NBPF3: variants seen among roughly 807,000 people sequenced by gnomAD.
The protein encoded by NBPF3 is NBPF member 3.
NBPF3 carries 57 observed loss-of-function variants against 78.1 expected under a neutral mutation model. That is an observed-to-expected ratio of 0.73 (90% CI 0.59 to 0.91). The LOEUF (loss-of-function observed/expected upper bound fraction) is 0.91, where lower values mean the gene tolerates loss of function less well. Ranked by LOEUF, NBPF3 falls within the 40% of genes least tolerant of loss-of-function variation. The probability of loss-of-function intolerance (pLI) is 0.00; values close to 1 mark genes in which losing one functional copy is unlikely to be tolerated. For missense variants in NBPF3, 510 were observed against 715.3 expected (o/e 0.71, Z 3.27); for synonymous variants, 182 against 271.7 (o/e 0.67, Z 3.25).
At position 21,474,956 on chromosome 1, in the gene NBPF3, T is replaced by C; in HGVS notation, c.992+5T>C. 6.2e-7 allele frequency: 1 copy of C among 1,600,708 alleles called. No homozygotes were observed. The highest frequency in any genetic ancestry group is 1.7e-4 in the Middle Eastern group (1 of 5,988). ...AAAAGGGCCAGTGTCTCCCAGGTAA[T>C]GCCATGGAATTGTGGGCTGTTAATT... On this transcript the variant is annotated splice_donor_5th_base_variant and intron_variant, in intron 8 of 14. Transcript: ENST00000318249.
chr1:21,437,074 G>A (rs1301577074), upstream of NBPF3, among the ~76,000 whole-genome samples: 1 of 152,182 alleles, frequency 6.6e-6, no homozygotes, highest in Non-Finnish European at 1.5e-5. Flanking sequence ...GTGGAAGGAG[G>A]AGGCTGCGGC....
In NBPF3 at chr1:21,471,849, C is replaced by A. The variant is rs578025440; in HGVS notation, c.661+66C>A. ...TTATGAGAGACTTCAGACCTCCATA[C>A]TTTCACAATGACATTTGTATCGGTG... On this transcript the variant is annotated intron_variant, in intron 5 of 14. Coordinates refer to ENST00000318249, the MANE Select transcript of NBPF3 (RefSeq NM_032264.6). The A allele has an allele frequency of 4.2e-5, 66 of 1,576,334 alleles. No homozygotes were observed. In the African/African-American group the frequency reaches 8.1e-4, roughly 19 times the overall value.
chr1:21,459,490 T>A (rs1641825295), intron 2 of NBPF3, among the ~76,000 whole-genome samples: 2 of 152,206 alleles, frequency 1.3e-5, no homozygotes, highest in Non-Finnish European at 2.9e-5. Flanking sequence ...ACAGGAGGGC[T>A]ATGGGTAGAG....
At position 21,473,593 on chromosome 1, in the gene NBPF3, C is replaced by T. The variant is rs1642730009; in HGVS notation, c.940+8C>T. 3 of 1,610,990 alleles carry T rather than the reference C, an allele frequency of 1.9e-6. No individual in the cohort carries two copies. Among genetic ancestry groups the T allele is most frequent in the South Asian group, 1.1e-5 (1 of 91,032 alleles). On this transcript the variant is annotated splice_region_variant and intron_variant, in intron 7 of 14. Transcript: ENST00000318249. Reference sequence around the variant, plus strand: ...CTGTATGCATTATCCCAGGTAGCCTCTATTTTCCTGTGTCTCACACCTTTT... The same window carrying T: ...CTGTATGCATTATCCCAGGTAGCCTTTATTTTCCTGTGTCTCACACCTTTT...
intron 2 of NBPF3, chr1:21,446,540 C>T (rs1236694921): frequency 1.6e-4 from 23 of 141,470 alleles, no homozygotes; most frequent in Middle Eastern, 3.7e-3. Flanking sequence ...CCCTGCCTCC[C>T]TCCCACCCAC....
At chr1:21,470,804 G>A in intron 4 of NBPF3, 70 bp downstream of exon 4, 9 of 1,030,104 alleles carry the variant, frequency 8.7e-6, no homozygotes, top group Non-Finnish European at 1.3e-5. Flanking sequence ...AGCTCGGCAG[G>A]GAGAACTAAG....
At position 21,468,871 on chromosome 1, in the gene NBPF3, T is replaced by A; in HGVS notation, c.317T>A (p.Phe106Tyr). Residue 106 changes from phenylalanine to tyrosine, a missense_variant, in exon 3 of 15, where the codon TTC (phenylalanine) becomes TAC (tyrosine). Coordinates refer to ENST00000318249, the MANE Select transcript of NBPF3 (RefSeq NM_032264.6). Reference sequence around the variant, plus strand: ...TGTCTTGTAACTCAAGTGGCCTACTTCCTGGCCAACCGGCAAAATAATTAC... The same window carrying A: ...TGTCTTGTAACTCAAGTGGCCTACTACCTGGCCAACCGGCAAAATAATTAC... ...QKCLVTQVAY[F>Y]LANRQNNYDY... 1.9e-6 allele frequency: 3 copies of A among 1,614,102 alleles called. No individual in the cohort carries two copies. The highest frequency in any genetic ancestry group is 2.5e-6 in the Non-Finnish European group (3 of 1,179,970).
chr1:21,437,636 A>G (rs56191336), upstream of NBPF3: 9,422 of 356,238 alleles, frequency 0.026, 236 homozygotes, highest in East Asian at 0.083. Flanking sequence ...TATGGTCGCC[A>G]CTAGCTACAT....
chr1:21,456,910 G>T (rs1389528048), intron 2 of NBPF3, among the ~76,000 whole-genome samples: 1 of 152,214 alleles, frequency 6.6e-6, no homozygotes, highest in Non-Finnish European at 1.5e-5. Context: ...AGATTGAAAA[G>T]AAAGAATTGA....
At chr1:21,474,080 C>T (rs532839250) in intron 7 of NBPF3, among the ~76,000 whole-genome samples, 13 of 152,328 alleles carry the variant, frequency 8.5e-5, no homozygotes, top group African/African-American at 2.4e-4. Context: ...TTCTTTTTTA[C>T]TTTGCTGATA....
At chr1:21,442,986 T>C (rs1382841066) in intron 1 of NBPF3, among the ~76,000 whole-genome samples, 1 of 152,180 alleles carries the variant, frequency 6.6e-6, no homozygotes, top group Admixed American at 6.5e-5. Context: ...ACTACATGGA[T>C]GTGTCTGCTT....
intron 2 of NBPF3, among the ~76,000 whole-genome samples, chr1:21,465,822 G>A (rs970319681): frequency 2.6e-5 from 4 of 152,220 alleles, no homozygotes; most frequent in African/African-American, 9.6e-5. Context: ...TCATGGGTGA[G>A]TAAGGAAGTC....
chr1:21,455,218 A>G (rs1172020878), intron 2 of NBPF3, among the ~76,000 whole-genome samples: 3 of 152,236 alleles, frequency 2.0e-5, no homozygotes, highest in Non-Finnish European at 2.9e-5. Flanking sequence ...TCATCAGATA[A>G]TCTGTCTATC....
chr1:21,475,399 G>T (rs1411025891), intron 8 of NBPF3, among the ~76,000 whole-genome samples: 1 of 152,190 alleles, frequency 6.6e-6, no homozygotes, highest in Non-Finnish European at 1.5e-5. Flanking sequence ...GGCATTTAGT[G>T]CTAGAAATTT....
intron 8 of NBPF3, among the ~76,000 whole-genome samples, chr1:21,477,770 C>T (rs1202819872): frequency 6.6e-6 from 1 of 152,186 alleles, no homozygotes; most frequent in Non-Finnish European, 1.5e-5. Flanking sequence ...TCTGTGTCTG[C>T]ACTGCCTCAA....
At chr1:21,441,600 G>A (rs894703855) in intron 1 of NBPF3, among the ~76,000 whole-genome samples, 2 of 151,692 alleles carry the variant, frequency 1.3e-5, no homozygotes, top group African/African-American at 4.8e-5. Context: ...CCAGCTACCC[G>A]GTAGGCTGAG....
intron 3 of NBPF3, among the ~76,000 whole-genome samples, chr1:21,469,533 T>C (rs1642470247): frequency 6.6e-6 from 1 of 152,130 alleles, no homozygotes; most frequent in Non-Finnish European, 1.5e-5. Flanking sequence ...GAGACCAGCC[T>C]GGGCAACGTG....
At chr1:21,443,448 C>A (rs112786307) in intron 1 of NBPF3, among the ~76,000 whole-genome samples, 7,066 of 152,192 alleles carry the variant, frequency 0.046, 420 homozygotes, top group African/African-American at 0.14. Context: ...TTACAATCTT[C>A]CTGTCAAGGC....
intron 2 of NBPF3, among the ~76,000 whole-genome samples, chr1:21,465,004 CAAAAA>C (rs10531760): frequency 0.41 from 40,341 of 99,108 alleles, 6,214 homozygotes; most frequent in Middle Eastern, 0.52. Flanking sequence ...GACCCTGTCT[CAAAAA>C]AAAAAAAAAA....
Sources: allele counts gnomAD v4.1 joint callset (sites outside exome capture counted in the v4.1 genomes callset), GRCh38; gene constraint gnomAD v4.1.1; transcripts MANE v1.5; gene names NCBI Gene and HGNC (gene_info 2026-07-23, HGNC 2026-07-21).